ROBO1: variants seen among roughly 807,000 people sequenced by gnomAD.
ROBO1 encodes the protein roundabout guidance receptor 1.
A neutral mutation model predicts 195.9 loss-of-function variants in ROBO1; 149 were observed. The observed-to-expected ratio is 0.76, with a 90% confidence interval of 0.67 to 0.87. The LOEUF (loss-of-function observed/expected upper bound fraction) is 0.87, where lower values mean the gene tolerates loss of function less well. Ranked by LOEUF, ROBO1 falls within the 40% of genes least tolerant of loss-of-function variation. The pLI is 0.00. For synonymous variants in ROBO1, 816 were observed against 733.2 expected (o/e 1.11, Z -1.82); for missense variants, 1,933 against 2,068.3 (o/e 0.93, Z 1.27).
At chr3:78,745,546 A>G (rs550930586) in intron 5 of ROBO1, among the ~76,000 whole-genome samples, 60 of 152,260 alleles carry the variant, frequency 3.9e-4, no homozygotes, top group Middle Eastern at 6.8e-3. Context: ...CACTAACAAG[A>G]AAAGCATTTG....
chr3:79,510,859 C>A (rs1940668031), intron 2 of ROBO1, among the ~76,000 whole-genome samples: 1 of 152,028 alleles, frequency 6.6e-6, no homozygotes, highest in South Asian at 2.1e-4. Context: ...AAAATAACAT[C>A]ATGTATTTAC....
Position 79,244,502 on chromosome 3 carries a change from CA to C in ROBO1, c.89-118964del, listed in dbSNP as rs576164488. On this transcript the variant is annotated intron_variant, in intron 2 of 30. Coordinates refer to ENST00000464233, the MANE Select transcript of ROBO1 (RefSeq NM_002941.4). Reference sequence around the variant, plus strand: ...TTTCAAGCACTCAGGAAGTTTATTGCAAAATTCTCCAGTTGTCTCTAAAGTT... The same window carrying C: ...TTTCAAGCACTCAGGAAGTTTATTGCAAATTCTCCAGTTGTCTCTAAAGTT... 3.3e-5 allele frequency among the ~76,000 whole-genome samples: 5 copies of C among 152,198 alleles called. No individual in the cohort carries two copies. In the South Asian group the frequency reaches 8.3e-4, roughly 25 times the overall value.
At chr3:78,909,839 G>C (rs78152919) in intron 4 of ROBO1, among the ~76,000 whole-genome samples, 38 of 151,704 alleles carry the variant, frequency 2.5e-4, no homozygotes, top group African/African-American at 8.9e-4. Context: ...CATGAATTAT[G>C]CAACTGAAAT....
chr3:78,700,106 C>A (rs1026342894), intron 8 of ROBO1, among the ~76,000 whole-genome samples: 4 of 152,136 alleles, frequency 2.6e-5, no homozygotes, highest in Non-Finnish European at 1.5e-5. Context: ...TAGAACTTCT[C>A]AAGGTGAGGC....
At chr3:78,934,701 G>T (rs1366250851) in intron 4 of ROBO1, among the ~76,000 whole-genome samples, 1 of 151,824 alleles carries the variant, frequency 6.6e-6, no homozygotes, top group Non-Finnish European at 1.5e-5. Flanking sequence ...AAAATGGGGG[G>T]ACCCAATTTC....
chr3:78,618,126 G>A, intron 26 of ROBO1, 85 bp from the exon 27 acceptor site: 1 of 1,395,850 alleles, frequency 7.2e-7, no homozygotes, highest in African/African-American at 1.4e-5. Context: ...TCACAAGCAT[G>A]CAGATTTGAC....
In ROBO1 at chr3:79,352,417, T is replaced by A. The variant is rs528719252; in HGVS notation, c.89-226878A>T. On this transcript the variant is annotated intron_variant, in intron 2 of 30. Coordinates refer to ENST00000464233, the MANE Select transcript of ROBO1 (RefSeq NM_002941.4). ...CCCCACTGGTAGTGTCTTACACAAC[T>A]ATAATGCATTATCAAAACCAGTAAA... 6.4e-4 allele frequency among the ~76,000 whole-genome samples: 97 copies of A among 152,336 alleles called. 1 individual carries two copies. Among genetic ancestry groups the A allele is most frequent in the Non-Finnish European group, 1.0e-3 (68 of 68,024 alleles).
chr3:79,350,623 G>A (rs1212606399), intron 2 of ROBO1, among the ~76,000 whole-genome samples: 2 of 152,132 alleles, frequency 1.3e-5, no homozygotes, highest in Non-Finnish European at 2.9e-5. Context: ...AAGGAAAAAG[G>A]ATGGCTACAT....
chr3:78,746,005 T>C (rs1049175308), intron 5 of ROBO1, among the ~76,000 whole-genome samples: 2 of 152,168 alleles, frequency 1.3e-5, no homozygotes, highest in African/African-American at 2.4e-5. Flanking sequence ...TATCAGTGCA[T>C]GCTGAACAAA....
chr3:79,138,761 T>C (rs2080465102), intron 2 of ROBO1, among the ~76,000 whole-genome samples: 1 of 151,840 alleles, frequency 6.6e-6, no homozygotes, highest in Non-Finnish European at 1.5e-5. Context: ...TATTGCCAGG[T>C]AGATGAATTA....
At chr3:79,128,990 A>G (rs1200231546) in intron 2 of ROBO1, among the ~76,000 whole-genome samples, 1 of 152,162 alleles carries the variant, frequency 6.6e-6, no homozygotes, top group African/African-American at 2.4e-5. Flanking sequence ...GTCTGTAGAT[A>G]TCTTCATCTG....
At chr3:79,614,816 G>T (rs1016926386) in intron 1 of ROBO1, among the ~76,000 whole-genome samples, 1 of 36,764 alleles carries the variant, frequency 2.7e-5, no homozygotes, top group African/African-American at 1.1e-4. Flanking sequence ...TATAATCATG[G>T]ACATTAAAAA....
chr3:78,768,107 T>C (rs1027612981), intron 4 of ROBO1, among the ~76,000 whole-genome samples: 2 of 152,234 alleles, frequency 1.3e-5, no homozygotes, highest in African/African-American at 4.8e-5. Context: ...ATCCCAGAGG[T>C]TTTGATAGGT....
At chr3:79,201,004 G>A (rs144747287) in intron 2 of ROBO1, among the ~76,000 whole-genome samples, 11 of 151,790 alleles carry the variant, frequency 7.2e-5, no homozygotes, top group African/African-American at 2.7e-4. Flanking sequence ...AGCAAATTCC[G>A]GATCCTGTAG....
chr3:79,679,506 G>T (rs1419405942), intron 1 of ROBO1, among the ~76,000 whole-genome samples: 1 of 152,000 alleles, frequency 6.6e-6, no homozygotes, highest in Non-Finnish European at 1.5e-5. Flanking sequence ...AATTTTACTT[G>T]AAGATATGTG....
chr3:79,498,422 T>C (rs1198045576), intron 2 of ROBO1, among the ~76,000 whole-genome samples: 1 of 152,220 alleles, frequency 6.6e-6, no homozygotes, highest in African/African-American at 2.4e-5. Flanking sequence ...TACTTTAATA[T>C]TACTGTTGCT....
chr3:79,000,051 G>A (rs552376270), intron 3 of ROBO1, among the ~76,000 whole-genome samples: 3 of 152,004 alleles, frequency 2.0e-5, no homozygotes, highest in Admixed American at 6.6e-5. Context: ...GTATTAATTC[G>A]TTCCCATGCT....
intron 2 of ROBO1, among the ~76,000 whole-genome samples, chr3:79,581,351 C>T (rs890274105): frequency 1.3e-5 from 2 of 152,026 alleles, no homozygotes; most frequent in South Asian, 2.1e-4. Flanking sequence ...CCGTGTGGCA[C>T]GTGGGGTTTT....
intron 2 of ROBO1, among the ~76,000 whole-genome samples, chr3:79,371,784 G>T (rs934719128): frequency 2.0e-5 from 3 of 152,124 alleles, no homozygotes; most frequent in African/African-American, 7.2e-5. Flanking sequence ...TGGCCTCTAA[G>T]GAAACAATTA....
Sources: allele counts gnomAD v4.1 joint callset (sites outside exome capture counted in the v4.1 genomes callset), GRCh38; gene constraint gnomAD v4.1.1; transcripts MANE v1.5; gene names NCBI Gene and HGNC (gene_info 2026-07-23, HGNC 2026-07-21).